CAMKMT: variants seen among roughly 807,000 people sequenced by gnomAD.
The protein encoded by CAMKMT is CaM KMT.
CAMKMT carries 53 observed loss-of-function variants against 48.0 expected under a neutral mutation model. That is an observed-to-expected ratio of 1.10 (90% CI 0.89 to 1.39). The LOEUF is 1.39. Among genes scored for constraint, CAMKMT ranks in the 40% most tolerant of loss-of-function variants. CAMKMT has a pLI of 0.00. For synonymous variants in CAMKMT, 165 were observed against 152.3 expected, an observed-to-expected ratio of 1.08 and a Z score of -0.61; for missense variants, 428 against 402.7, an observed-to-expected ratio of 1.06 and a Z score of -0.54.
intron 3 of CAMKMT, among the ~76,000 whole-genome samples, chr2:44,516,055 G>A (rs1558669959): frequency 6.6e-6 from 1 of 152,052 alleles, no homozygotes; most frequent in African/African-American, 2.4e-5. Flanking sequence ...ATATGTACTA[G>A]AAGCCAAACA....
chr2:44,568,905 A>G (rs373959632), intron 3 of CAMKMT, among the ~76,000 whole-genome samples: 11 of 152,280 alleles, frequency 7.2e-5, no homozygotes, highest in Admixed American at 3.3e-4. Flanking sequence ...GAGAAGTGGA[A>G]GCATGCAAGC....
At chr2:44,667,779 G>A (rs747193224) in intron 3 of CAMKMT, among the ~76,000 whole-genome samples, 1 of 152,230 alleles carries the variant, frequency 6.6e-6, no homozygotes, top group East Asian at 1.9e-4. Context: ...CTCAGGTACT[G>A]TGATAGCTCC....
intron 3 of CAMKMT, among the ~76,000 whole-genome samples, chr2:44,690,578 A>G (rs934572984): frequency 2.6e-5 from 4 of 152,194 alleles, no homozygotes; most frequent in Non-Finnish European, 5.9e-5. Flanking sequence ...AGGATAATGC[A>G]TATCTTATAG....
chr2:44,436,452 C>T lies in CAMKMT; in HGVS notation c.376+46147C>T, dbSNP rs1666260009. 2.0e-5 allele frequency among the ~76,000 whole-genome samples: 3 copies of T among 152,106 alleles called. 1 individual carries two copies. The South Asian group carries it at 6.2e-4, about 32-fold the overall frequency. ...AGAAAGGGGACACCAATTTCCAAGG[C>T]ATGCTAGGCTGGGATCATTTCAGAC... On this transcript the variant is annotated intron_variant, in intron 3 of 10. Transcript: ENST00000378494.
intron 3 of CAMKMT, among the ~76,000 whole-genome samples, chr2:44,626,604 G>A (rs1004094315): frequency 3.3e-5 from 5 of 152,088 alleles, no homozygotes; most frequent in African/African-American, 9.7e-5. Context: ...ATTCCTTCTC[G>A]ACTGTATCCT....
chr2:44,561,749 G>C (rs1668335123), intron 3 of CAMKMT, among the ~76,000 whole-genome samples: 1 of 152,162 alleles, frequency 6.6e-6, no homozygotes, highest in African/African-American at 2.4e-5. Flanking sequence ...ATTGATGAGG[G>C]ACCTTAAGAT....
chr2:44,672,052 G>T lies in CAMKMT; in HGVS notation c.377-32231G>T, dbSNP rs142586879. 6.1e-3 allele frequency among the ~76,000 whole-genome samples: 933 copies of T among 152,192 alleles called. 16 individuals carry two copies. Among genetic ancestry groups the T allele is most frequent in the African/African-American group, 0.021 (877 of 41,504 alleles). On this transcript the variant is annotated intron_variant, in intron 3 of 10. Transcript: ENST00000378494. The stretch of plus-strand genomic sequence containing the variant: ...GCTAAAACTTGACCTGCCCCGACAG[G>T]ATGATGAAAACTCAATACCATTCTC...
intron 2 of CAMKMT, among the ~76,000 whole-genome samples, chr2:44,382,670 A>G (rs1085491): frequency 0.7 from 105,688 of 151,588 alleles, 37,452 homozygotes; most frequent in Middle Eastern, 0.81. Context: ...TAGTAGATAC[A>G]GGGTTTCACT....
At chr2:44,503,780 C>CAA (rs1670119059) in intron 3 of CAMKMT, among the ~76,000 whole-genome samples, 1 of 152,158 alleles carries the variant, frequency 6.6e-6, no homozygotes, top group Non-Finnish European at 1.5e-5. Context: ...TTGGCTTAAA[C>CAA]AACAGAAATC....
chr2:44,749,001 T>A (rs1456413882), intron 8 of CAMKMT, among the ~76,000 whole-genome samples: 1 of 152,206 alleles, frequency 6.6e-6, no homozygotes, highest in Non-Finnish European at 1.5e-5. Flanking sequence ...TTACATACAT[T>A]CTGTGCTCCA....
chr2:44,677,537 A>G (rs1057105395), intron 3 of CAMKMT, among the ~76,000 whole-genome samples: 4 of 152,042 alleles, frequency 2.6e-5, no homozygotes, highest in Admixed American at 1.3e-4. Flanking sequence ...GCAAAACCCT[A>G]TCTCTACTAA....
At chr2:44,687,420 AT>A (rs1160327634) in intron 3 of CAMKMT, among the ~76,000 whole-genome samples, 2 of 152,292 alleles carry the variant, frequency 1.3e-5, no homozygotes, top group East Asian at 3.9e-4. Context: ...GATTCAGTAA[AT>A]ATTTGTTTGG....
At chr2:44,473,852 A>G (rs1668545770) in intron 3 of CAMKMT, among the ~76,000 whole-genome samples, 1 of 152,184 alleles carries the variant, frequency 6.6e-6, no homozygotes, top group African/African-American at 2.4e-5. Flanking sequence ...TTTGGTTATT[A>G]CTGGGATACC....
chr2:44,406,932 A>C (rs545595546), intron 3 of CAMKMT, among the ~76,000 whole-genome samples: 1 of 152,268 alleles, frequency 6.6e-6, no homozygotes, highest in African/African-American at 2.4e-5. Flanking sequence ...TATCTATGCT[A>C]TTCTTTATAA....
chr2:44,565,719 C>T (rs533407592), intron 3 of CAMKMT, among the ~76,000 whole-genome samples: 1 of 149,456 alleles, frequency 6.7e-6, no homozygotes, highest in Non-Finnish European at 1.5e-5. Context: ...AAAAAAAAAA[C>T]AAAACTCCCC....
At chr2:44,504,763 C>CT (rs1214224982) in intron 3 of CAMKMT, among the ~76,000 whole-genome samples, 1 of 152,126 alleles carries the variant, frequency 6.6e-6, no homozygotes, top group Non-Finnish European at 1.5e-5. Flanking sequence ...TCTGTATATC[C>CT]TTTTTTGTGA....
At chr2:44,478,798 T>A (rs1473636876) in intron 3 of CAMKMT, among the ~76,000 whole-genome samples, 3 of 151,770 alleles carry the variant, frequency 2.0e-5, no homozygotes, top group African/African-American at 7.3e-5. Flanking sequence ...CCTTCTGGGT[T>A]CACCCCATTC....
chr2:44,377,285 G>A (rs989100615), intron 2 of CAMKMT, among the ~76,000 whole-genome samples: 2 of 152,172 alleles, frequency 1.3e-5, no homozygotes, highest in Non-Finnish European at 2.9e-5. Flanking sequence ...GGGATTACAG[G>A]CGTAAGCCAC....
chr2:44,700,758 G>A (rs548624299), intron 3 of CAMKMT, among the ~76,000 whole-genome samples: 1 of 152,252 alleles, frequency 6.6e-6, no homozygotes, highest in East Asian at 1.9e-4. Context: ...AATATTGTGA[G>A]AATGACCAAA....
Sources: gnomAD v4.1 joint callset for allele counts (sites outside exome capture counted in the v4.1 genomes callset) on GRCh38, gnomAD v4.1.1 for gene constraint, MANE v1.5 for transcripts, NCBI Gene and HGNC (gene_info 2026-07-23, HGNC 2026-07-21) for gene names.